Variants in LRRC27 observed in about 807,000 individuals in gnomAD.
LRRC27 encodes leucine-rich repeat-containing protein 27.
Under a neutral mutation model 55.0 loss-of-function variants are expected in LRRC27, and 57 were observed. The ratio of observed to expected loss-of-function variants is 1.04; its 90% CI spans 0.84 to 1.29. The LOEUF (loss-of-function observed/expected upper bound fraction) is 1.29. LRRC27 is among the 50% of genes most tolerant of loss of function. The pLI, the probability that LRRC27 is intolerant of heterozygous loss-of-function variation, is 0.00. For missense variants in LRRC27, 721 were observed against 651.5 expected, an observed-to-expected ratio of 1.11 and a Z score of -1.16; for synonymous variants, 278 against 251.9, an observed-to-expected ratio of 1.10 and a Z score of -0.98.
At chr10:132,373,402 G>A (rs1215212800) in intron 10 of LRRC27, among the ~76,000 whole-genome samples, 3 of 152,082 alleles carry the variant, frequency 2.0e-5, no homozygotes, top group Non-Finnish European at 4.4e-5. Flanking sequence ...CACACATGCC[G>A]GCACCATGGC....
chr10:132,360,534 T>C (rs1590700712), intron 8 of LRRC27, among the ~76,000 whole-genome samples: 1 of 152,126 alleles, frequency 6.6e-6, no homozygotes, highest in Non-Finnish European at 1.5e-5. Flanking sequence ...TATGGTGGGG[T>C]GGGAGGGATA....
intron 5 of LRRC27, among the ~76,000 whole-genome samples, chr10:132,346,349 A>T (rs551494473): frequency 4.1e-4 from 62 of 152,298 alleles, no homozygotes; most frequent in African/African-American, 1.4e-3. Context: ...GCTACTATGT[A>T]TATTTTTAGT....
At chr10:132,353,128 G>T in intron 7 of LRRC27, 6 of 1,461,410 alleles carry the variant, frequency 4.1e-6, no homozygotes, top group Non-Finnish European at 5.4e-6. Flanking sequence ...CCCCTCACTT[G>T]GTGGTTGGCT....
rs530010547 is a variant in LRRC27 at position 132,351,133 on chromosome 10, C to T, written c.927-474C>T. 14 of 161,278 alleles carry T rather than the reference C, an allele frequency of 8.7e-5. No homozygotes were observed. The East Asian group carries it at 1.7e-3, about 19-fold the overall frequency. The allele number at this position is 161,278 out of a possible 1,614,324, so 10.0% of individuals were successfully genotyped here. ...TTGCCTGCCCCGCCCCCTGCTCCCACATCACCCAGCGATGGGATTCCGACC... is the reference window on the plus strand; with the variant it reads ...TTGCCTGCCCCGCCCCCTGCTCCCATATCACCCAGCGATGGGATTCCGACC... On this transcript the variant is annotated intron_variant, in intron 6 of 10. Transcript: ENST00000368614.
At position 132,359,148 on chromosome 10, in the gene LRRC27, G is replaced by A. The variant is rs1437747470; in HGVS notation, c.1171-2309G>A. 3.8e-4 allele frequency among the ~76,000 whole-genome samples: 51 copies of A among 132,862 alleles called. 3 individuals are homozygous for A. Among genetic ancestry groups the A allele is most frequent in the South Asian group, 1.3e-3 (5 of 3,770 alleles). The allele number at this position is 132,862 out of a possible 152,430, so 87.2% of individuals were successfully genotyped here. On this transcript the variant is annotated intron_variant, in intron 8 of 10. Coordinates refer to ENST00000368614, the MANE Select transcript of LRRC27 (RefSeq NM_030626.3). ...TGGAGCGTGGGAAGGAGCCGAGGTG[G>A]TGGAGCAGCGTGGGGAGGTGCTGAG...
chr10:132,351,483 A>C (rs1316793295), intron 6 of LRRC27, 124 bp from the exon 7 acceptor site: 3 of 1,068,774 alleles, frequency 2.8e-6, no homozygotes, highest in African/African-American at 1.6e-5. Flanking sequence ...TGCAGCTTCT[A>C]GTCGTGCTAA....
At chr10:132,363,361 T>C (rs2068736851) in intron 9 of LRRC27, among the ~76,000 whole-genome samples, 1 of 152,220 alleles carries the variant, frequency 6.6e-6, no homozygotes, top group African/African-American at 2.4e-5. Context: ...GGTTAGTGGC[T>C]GCACCCTGGG....
chr10:132,334,152 G>T (rs566244307), intron 2 of LRRC27, among the ~76,000 whole-genome samples: 2 of 152,250 alleles, frequency 1.3e-5, no homozygotes, highest in Middle Eastern at 3.4e-3. Context: ...GCCCTTCTCC[G>T]GGTCAGTCCG....
intron 10 of LRRC27, among the ~76,000 whole-genome samples, chr10:132,368,375 C>T (rs899437880): frequency 6.6e-6 from 1 of 152,184 alleles, no homozygotes; most frequent in African/African-American, 2.4e-5. Context: ...ATATCCAACA[C>T]AGTATTGATG....
intron 7 of LRRC27, chr10:132,353,374 A>T (rs1180402680): frequency 9.4e-7 from 1 of 1,062,436 alleles, no homozygotes; most frequent in African/African-American, 1.7e-5. Context: ...CCTCCCCAAC[A>T]TGAATAAACC....
chr10:132,333,387 A>G (rs2066926762), intron 1 of LRRC27, 90 bp from the exon 2 acceptor site: 1 of 493,088 alleles, frequency 2.0e-6, no homozygotes, highest in Non-Finnish European at 3.3e-6. Context: ...TTTTAAAGCA[A>G]GTTACATTAC....
Position 132,360,572 on chromosome 10 carries a change from C to G in LRRC27, c.1171-885C>G, listed in dbSNP as rs535880617. Among the ~76,000 whole-genome samples, 73 of 152,178 alleles carry G rather than the reference C, an allele frequency of 4.8e-4. No individual in the cohort carries two copies. The South Asian group carries it at 9.1e-3, about 19-fold the overall frequency. On this transcript the variant is annotated intron_variant, in intron 8 of 10. Coordinates refer to ENST00000368614, the MANE Select transcript of LRRC27 (RefSeq NM_030626.3). The stretch of plus-strand genomic sequence containing the variant: ...AAAAGGTTGGTGGGTGGTCCCTGGT[C>G]CTCCCTGCCTCCCATCTTTCCGCCC...
At chr10:132,371,144 G>A (rs904681854) in intron 10 of LRRC27, among the ~76,000 whole-genome samples, 1 of 152,256 alleles carries the variant, frequency 6.6e-6, no homozygotes, top group Non-Finnish European at 1.5e-5. Flanking sequence ...CCGGCCCCTC[G>A]TGTTTCCTTC....
chr10:132,335,730 AT>A (rs962471561), intron 2 of LRRC27, among the ~76,000 whole-genome samples: 33 of 152,130 alleles, frequency 2.2e-4, no homozygotes, highest in African/African-American at 7.5e-4. Context: ...GGCTGTAGGT[AT>A]TTTCTTTAGG....
At chr10:132,364,566 C>CACCCTTACATCT (rs1564854092) in intron 9 of LRRC27, among the ~76,000 whole-genome samples, 1 of 96,152 alleles carries the variant, frequency 1.0e-5, no homozygotes, top group Non-Finnish European at 2.1e-5. Context: ...CACTTACACC[C>CACCCTTACATCT]ACGTCCACAC....
chr10:132,349,070 GGTGTGCGTGTGTGTGCCTGCATGTGGTGT>G (rs2067872765), intron 6 of LRRC27: 8 of 1,580,468 alleles, frequency 5.1e-6, no homozygotes, highest in Non-Finnish European at 6.9e-6. Flanking sequence ...ATGTATCTGT[GGTGTGCGTGTGTGTGCCTGCATGTGGTGT>G]GTGTGCCTGT....
chr10:132,348,485 TG>T lies in LRRC27; in HGVS notation c.926+130del, dbSNP rs1260343021. On this transcript the variant is annotated intron_variant, in intron 6 of 10. Coordinates refer to ENST00000368614, the MANE Select transcript of LRRC27 (RefSeq NM_030626.3). The surrounding 1 kb of genome is among the most constrained non-coding windows in gnomAD (Gnocchi z 4.2). The stretch of plus-strand genomic sequence containing the variant: ...CACGTTGCCACCGTTTACTGTGCAG[TG>T]AGTGCCGGTCCCAGGTTTAGGGTAA... 119 of 1,264,178 alleles carry T rather than the reference TG, an allele frequency of 9.4e-5. No individual in the cohort carries two copies. The South Asian group carries it at 1.7e-3, about 18-fold the overall frequency. The allele number at this position is 1,264,178 out of a possible 1,614,324, so 78.3% of individuals were successfully genotyped here. A position where few individuals can be genotyped will look rare whatever the true frequency, so the allele number is the denominator to read the frequency against.
chr10:132,370,042 A>G (rs1262645664), intron 10 of LRRC27, among the ~76,000 whole-genome samples: 1 of 152,060 alleles, frequency 6.6e-6, no homozygotes, highest in African/African-American at 2.4e-5. Context: ...GAAAACCCAG[A>G]CTCACGGAGG....
upstream of LRRC27, chr10:132,331,873 GCAGGCGCAC>G: frequency 7.9e-7 from 1 of 1,257,982 alleles, no homozygotes; most frequent in Non-Finnish European, 1.1e-6. Context: ...GCGTGCGTGC[GCAGGCGCAC>G]CACCCCCTGC....
Sources: allele counts gnomAD v4.1 joint callset (sites outside exome capture counted in the v4.1 genomes callset), GRCh38; gene constraint gnomAD v4.1.1; non-coding constraint Gnocchi (gnomAD v3.1); transcripts MANE v1.5; gene names NCBI Gene and HGNC (gene_info 2026-07-23, HGNC 2026-07-21).